Variants in RBM33 observed in about 807,000 individuals in gnomAD.
The protein encoded by RBM33 is RNA-binding protein 33.
A neutral mutation model predicts 132.6 loss-of-function variants in RBM33; 28 were observed. The observed-to-expected ratio is 0.21, with a 90% CI of 0.16 to 0.29. The LOEUF (loss-of-function observed/expected upper bound fraction) is 0.29, where lower values mean the gene tolerates loss of function less well. Among genes scored for constraint, RBM33 ranks in the 10% least tolerant of loss-of-function variants. RBM33 has a pLI of 1.00. For missense variants in RBM33, 1,291 were observed against 1,518.5 expected, an observed-to-expected ratio of 0.85 and a Z score of 2.49; for synonymous variants, 634 against 593.0, an observed-to-expected ratio of 1.07 and a Z score of -1.01.
chr7:155,749,022 C>T (rs751629091), intron 14 of RBM33, among the ~76,000 whole-genome samples: 12 of 152,062 alleles, frequency 7.9e-5, no homozygotes, highest in Non-Finnish European at 1.2e-4. Context: ...CACCTGTGCA[C>T]GCAGTCATGT....
At chr7:155,721,428 T>C (rs969416432) in intron 9 of RBM33, among the ~76,000 whole-genome samples, 2 of 152,216 alleles carry the variant, frequency 1.3e-5, no homozygotes, top group East Asian at 3.8e-4. Flanking sequence ...TTTATATTTT[T>C]TACTTGTTGT....
At chr7:155,746,141 A>G (rs1290969567) in intron 14 of RBM33, among the ~76,000 whole-genome samples, 1 of 152,228 alleles carries the variant, frequency 6.6e-6, no homozygotes, top group Non-Finnish European at 1.5e-5. Flanking sequence ...TAAATTAGAT[A>G]TCACTCAGTT....
intron 8 of RBM33, among the ~76,000 whole-genome samples, chr7:155,716,993 AT>A (rs1800480674): frequency 6.6e-6 from 1 of 152,242 alleles, no homozygotes; most frequent in African/African-American, 2.4e-5. Context: ...GATGTCAATT[AT>A]AAGGCTTAAT....
chr7:155,763,787 C>T (rs370523156), intron 14 of RBM33, 25 bp from the exon 15 acceptor site: 85 of 1,591,468 alleles, frequency 5.3e-5, no homozygotes, highest in Admixed American at 2.5e-4. Flanking sequence ...CACTGAACAA[C>T]GTGCTGCCTT....
In RBM33 at chr7:155,740,010, G is replaced by T. The variant is rs762831275; in HGVS notation, c.2033G>T (p.Arg678Leu). The change falls in exon 12 of 18, where the codon CGC (arginine) becomes CTC (leucine). Residue 678 changes from arginine (R) to leucine (L), a missense_variant. Transcript: ENST00000401878. ...AGCAGCCGGATGCAGTGCCCCCAGCGCCAGGGGCTCCGGCATGTAAGTGTC... is the reference window on the plus strand; with the variant it reads ...AGCAGCCGGATGCAGTGCCCCCAGCTCCAGGGGCTCCGGCATGTAAGTGTC... ...ASSSRMQCPQ[R>L]QGLRHNTTSQ... The T allele has an allele frequency of 1.0e-5, 16 of 1,552,810 alleles. No individual in the cohort carries two copies. The highest frequency in any genetic ancestry group is 1.4e-5 in the Non-Finnish European group (16 of 1,144,940).
intron 1 of RBM33, among the ~76,000 whole-genome samples, chr7:155,655,359 GGTTT>G (rs1206172914): frequency 2.6e-5 from 4 of 151,464 alleles, no homozygotes; most frequent in African/African-American, 4.9e-5. Flanking sequence ...TTGGGCATTT[GGTTT>G]ATTTCTACTT....
chr7:155,690,200 A>G (rs1337707348), intron 5 of RBM33, among the ~76,000 whole-genome samples: 1 of 152,140 alleles, frequency 6.6e-6, no homozygotes, highest in African/African-American at 2.4e-5. Context: ...CTTCTTGTTG[A>G]ATTGATCCCT....
chr7:155,711,071 A>T, intron 7 of RBM33, 132 bp from the exon 8 acceptor site: 1 of 1,322,036 alleles, frequency 7.6e-7, no homozygotes, highest in Non-Finnish European at 9.9e-7. Context: ...GACTTCTTAC[A>T]TTGTAACTTA....
At chr7:155,714,065 G>C (rs768473099) in intron 8 of RBM33, among the ~76,000 whole-genome samples, 1 of 152,260 alleles carries the variant, frequency 6.6e-6, no homozygotes, top group South Asian at 2.1e-4. Flanking sequence ...GCATCCGTTC[G>C]TGCTTTCGAA....
chr7:155,649,148 A>ATG, intron 1 of RBM33, among the ~76,000 whole-genome samples: 1 of 152,100 alleles, frequency 6.6e-6, no homozygotes, highest in African/African-American at 2.4e-5. Context: ...ACTTTTAATG[A>ATG]TGTCCCCGTT....
At position 155,745,096 on chromosome 7, in the gene RBM33, G is replaced by A; in HGVS notation, c.2473G>A (p.Glu825Lys). The change falls in exon 14 of 18, where the codon GAG (glutamate) becomes AAG (lysine). Residue 825 changes from glutamate to lysine, a missense_variant. Transcript: ENST00000401878. The surrounding 1 kb of genome is among the most constrained non-coding windows in gnomAD (Gnocchi z 4.1). ...TGGTGCCAGGAAGAAGGAGCTGCTG[G>A]AGAGACTCGCGCAGCAACAGCAGCA... is the stretch of plus-strand genomic sequence containing the variant. ...QAGARKKELL[E>K]RLAQQQQQLY... is the part of the protein sequence containing the mutation. The A allele has an allele frequency of 6.2e-7, 1 of 1,601,062 alleles. No individual in the cohort carries two copies. The highest frequency in any genetic ancestry group is 8.5e-7 in the Non-Finnish European group (1 of 1,173,418).
At position 155,711,226 on chromosome 7, in the gene RBM33, A is replaced by ACCGCCT. The variant is rs752331670; in HGVS notation, c.977_978insTCCGCC (p.Pro326_Pro327dup). The stretch of plus-strand genomic sequence containing the variant: ...AGCCCCAGGCTCCCCCTCCACCGCC[A>ACCGCCT]CCGCCGCCTCAGCAGCAGCCGATCA... On this transcript the variant is annotated inframe_insertion, in exon 8 of 18. Coordinates refer to ENST00000401878, the MANE Select transcript of RBM33 (RefSeq NM_053043.3). 6.3e-6 allele frequency: 10 copies of ACCGCCT among 1,579,150 alleles called. No individual in the cohort carries two copies. The highest frequency in any genetic ancestry group is 7.7e-6 in the Non-Finnish European group (9 of 1,162,328).
At chr7:155,700,131 A>T (rs1374026453) in intron 5 of RBM33, among the ~76,000 whole-genome samples, 5 of 152,248 alleles carry the variant, frequency 3.3e-5, no homozygotes, top group African/African-American at 1.2e-4. Context: ...AATTTCAGAT[A>T]AAAGCTGGTT....
At chr7:155,731,467 A>C (rs1193297918) in intron 9 of RBM33, among the ~76,000 whole-genome samples, 1 of 152,250 alleles carries the variant, frequency 6.6e-6, no homozygotes, top group Non-Finnish European at 1.5e-5. Context: ...TATTAAGTAA[A>C]ATATGAGTTA....
At chr7:155,753,078 G>A (rs13245882) in intron 14 of RBM33, among the ~76,000 whole-genome samples, 36,696 of 152,114 alleles carry the variant, frequency 0.24, 4,705 homozygotes, top group African/African-American at 0.32. Context: ...TCTTACTGAA[G>A]CATAGCAAAG....
intron 16 of RBM33, among the ~76,000 whole-genome samples, chr7:155,773,448 A>G (rs577613477): frequency 2.1e-3 from 313 of 151,886 alleles, no homozygotes; most frequent in African/African-American, 6.9e-3. Flanking sequence ...GGTGCCTATA[A>G]TCCCAGCTAC....
chr7:155,688,618 A>T (rs934837171), intron 5 of RBM33, among the ~76,000 whole-genome samples: 3 of 152,166 alleles, frequency 2.0e-5, no homozygotes, highest in African/African-American at 7.2e-5. Context: ...TGGGTTTGTC[A>T]TAAATAGCTC....
Position 155,711,303 on chromosome 7 carries a change from C to T in RBM33, c.1049C>T (p.Pro350Leu), listed in dbSNP as rs758201933. ...CAGCCGCTGCTTCCGGTGCAGCACC[C>T]GCACCACCCATCCCCGCCTCAGGGA... ...PLQPLLPVQH[P>L]HHPSPPQGMH... Residue 350 changes from proline (P) to leucine (L), a missense_variant, in exon 8 of 18, where the codon CCG becomes CTG. Pro to Leu is a moderately conservative substitution (Grantham distance 98, BLOSUM62 -3). Transcript: ENST00000401878. 28 of 1,607,470 alleles carry T rather than the reference C, an allele frequency of 1.7e-5. No individual in the cohort carries two copies. Among genetic ancestry groups the T allele is most frequent in the African/African-American group, 5.4e-5 (4 of 74,546 alleles).
At chr7:155,667,574 C>T (rs1376624164) in intron 2 of RBM33, among the ~76,000 whole-genome samples, 1 of 152,118 alleles carries the variant, frequency 6.6e-6, no homozygotes, top group Non-Finnish European at 1.5e-5. Context: ...ATTCTGTAGC[C>T]TGTCTTTTAT....
Sources: gnomAD v4.1 joint callset for allele counts (sites outside exome capture counted in the v4.1 genomes callset) on GRCh38, gnomAD v4.1.1 for gene constraint, Gnocchi (gnomAD v3.1) non-coding constraint, MANE v1.5 for transcripts, NCBI Gene and HGNC (gene_info 2026-07-23, HGNC 2026-07-21) for gene names.